Variants in GRAMD2B observed in about 807,000 individuals in gnomAD.
GRAMD2B encodes the protein GRAM domain containing 2B.
GRAMD2B carries 41 observed loss-of-function variants against 59.2 expected under a neutral mutation model. The observed-to-expected ratio is 0.69, with a 90% confidence interval of 0.54 to 0.90. GRAMD2B has a LOEUF of 0.90. Among genes scored for constraint, GRAMD2B ranks in the 40% least tolerant of loss-of-function variants. The pLI, the probability that GRAMD2B is intolerant of heterozygous loss-of-function variation, is 0.00. For missense variants in GRAMD2B, 424 were observed against 500.5 expected (o/e 0.85, Z 1.46); for synonymous variants, 161 against 182.7 (o/e 0.88, Z 0.96).
chr5:126,370,332 T>C (rs1428288978), upstream of GRAMD2B, among the ~76,000 whole-genome samples: 2 of 152,226 alleles, frequency 1.3e-5, no homozygotes, highest in Non-Finnish European at 2.9e-5. Context: ...AGGCCAAGGC[T>C]AAAGGTTTGC....
chr5:126,450,585 G>C (rs945578126), intron 1 of GRAMD2B, among the ~76,000 whole-genome samples: 1 of 145,640 alleles, frequency 6.9e-6, no homozygotes, highest in African/African-American at 2.5e-5. Context: ...CCGTCACCTG[G>C]CCTTCATTCA....
intron 5 of GRAMD2B, among the ~76,000 whole-genome samples, 165 bp downstream of exon 5, chr5:126,473,533 C>G (rs746326621): frequency 6.6e-6 from 1 of 152,062 alleles, no homozygotes; most frequent in Admixed American, 6.5e-5. Flanking sequence ...CTAAATGCCT[C>G]CAGAAGACAC....
intron 1 of GRAMD2B, among the ~76,000 whole-genome samples, chr5:126,408,215 T>C (rs935923021): frequency 1.3e-5 from 2 of 152,068 alleles, no homozygotes; most frequent in Non-Finnish European, 2.9e-5. Context: ...GGTTTTCTGT[T>C]CCTGTGTTAA....
At chr5:126,435,922 G>C (rs73334425) in intron 1 of GRAMD2B, among the ~76,000 whole-genome samples, 19,154 of 152,118 alleles carry the variant, frequency 0.13, 3,852 homozygotes, top group African/African-American at 0.43. Flanking sequence ...AGATACATAT[G>C]AGCATTCACA....
At chr5:126,484,566 G>A (rs1301311276) in intron 10 of GRAMD2B, 42 bp downstream of exon 10, 6 of 1,555,434 alleles carry the variant, frequency 3.9e-6, no homozygotes, top group Non-Finnish European at 3.5e-6. Flanking sequence ...TAGAAGGATT[G>A]GAGATGTCTG....
intron 1 of GRAMD2B, among the ~76,000 whole-genome samples, chr5:126,408,783 C>T (rs1296929876): frequency 6.7e-6 from 1 of 149,388 alleles, no homozygotes; most frequent in Non-Finnish European, 1.5e-5. Context: ...TGGTGTGCTG[C>T]ACCCATTAAC....
At chr5:126,376,800 C>A (rs1427616736) in intron 1 of GRAMD2B, among the ~76,000 whole-genome samples, 3 of 152,016 alleles carry the variant, frequency 2.0e-5, no homozygotes, top group Admixed American at 1.3e-4. Flanking sequence ...GGGTGTGGAG[C>A]AGGTATTTCA....
intron 1 of GRAMD2B, among the ~76,000 whole-genome samples, chr5:126,440,902 A>G (rs981055555): frequency 8.5e-5 from 13 of 152,198 alleles, no homozygotes; most frequent in Admixed American, 5.2e-4. Context: ...TCTCAGGACT[A>G]TCTTTGACCT....
intron 12 of GRAMD2B, among the ~76,000 whole-genome samples, chr5:126,487,214 A>C (rs1407809942): frequency 6.6e-6 from 1 of 152,116 alleles, no homozygotes; most frequent in Non-Finnish European, 1.5e-5. Flanking sequence ...AACAAGCCTA[A>C]TTTTACATTA....
intron 1 of GRAMD2B, among the ~76,000 whole-genome samples, chr5:126,380,164 T>C (rs1755540443): frequency 6.6e-6 from 1 of 152,122 alleles, no homozygotes; most frequent in African/African-American, 2.4e-5. Context: ...TTGAGTAGGG[T>C]GTCCTTTCCC....
At chr5:126,465,576 T>G (rs1768179598) in intron 2 of GRAMD2B, 31 bp downstream of exon 2, 1 of 1,603,756 alleles carries the variant, frequency 6.2e-7, no homozygotes, top group South Asian at 1.1e-5. Flanking sequence ...CTTTGTTCTC[T>G]TTTGTCTTTT....
At chr5:126,463,539 T>A (rs1767744486) in intron 1 of GRAMD2B, among the ~76,000 whole-genome samples, 1 of 152,250 alleles carries the variant, frequency 6.6e-6, no homozygotes, top group African/African-American at 2.4e-5. Flanking sequence ...TTCCTAATAA[T>A]ATTTCAATGC....
chr5:126,486,299 T>C (rs991643561), intron 11 of GRAMD2B, among the ~76,000 whole-genome samples: 1 of 152,242 alleles, frequency 6.6e-6, no homozygotes, highest in African/African-American at 2.4e-5. Context: ...TCTATCTAGC[T>C]ATAATTTTGT....
At chr5:126,361,329 T>A (rs1754206466) in intron 1 of GRAMD2B, among the ~76,000 whole-genome samples, 1 of 152,060 alleles carries the variant, frequency 6.6e-6, no homozygotes, top group Non-Finnish European at 1.5e-5. Context: ...ACATAAAATA[T>A]AAATGGGTGG....
intron 1 of GRAMD2B, chr5:126,464,970 C>G (rs1768026716): frequency 1.3e-6 from 1 of 769,170 alleles, no homozygotes; most frequent in Non-Finnish European, 1.6e-6. Context: ...GCTTAGGGAA[C>G]TGCTTGGTTA....
At chr5:126,480,290 T>C (rs1771471903) in intron 6 of GRAMD2B, 166 bp from the exon 7 acceptor site, 5 of 570,474 alleles carry the variant, frequency 8.8e-6, no homozygotes. Flanking sequence ...ATTACAGGAA[T>C]GGAATAAAAA....
chr5:126,421,088 A>C (rs1759679347), upstream of GRAMD2B, among the ~76,000 whole-genome samples: 1 of 152,224 alleles, frequency 6.6e-6, no homozygotes, highest in Non-Finnish European at 1.5e-5. Context: ...GGAGGAGGTG[A>C]GAAAGAAAGA....
intron 1 of GRAMD2B, among the ~76,000 whole-genome samples, chr5:126,414,961 T>A (rs113223129): frequency 0.011 from 1,625 of 152,268 alleles, 42 homozygotes; most frequent in African/African-American, 0.038. Context: ...CTGTAGTTTG[T>A]CTATATAAAG....
chr5:126,457,090 G>T (rs1766420910), intron 1 of GRAMD2B, among the ~76,000 whole-genome samples: 1 of 150,772 alleles, frequency 6.6e-6, no homozygotes, highest in African/African-American at 2.4e-5. Flanking sequence ...TACTCGGGAG[G>T]CTGAGGCGAG....
Sources: allele counts gnomAD v4.1 joint callset (sites outside exome capture counted in the v4.1 genomes callset), GRCh38; gene constraint gnomAD v4.1.1; transcripts MANE v1.5; gene names NCBI Gene and HGNC (gene_info 2026-07-23, HGNC 2026-07-21).